GRIN2A: variants seen among roughly 807,000 people sequenced by gnomAD.
The protein encoded by GRIN2A is glutamate ionotropic receptor NMDA type subunit 2A.
Under a neutral mutation model 113.4 loss-of-function variants are expected in GRIN2A, and 22 were observed. The ratio of observed to expected loss-of-function variants is 0.19; its 90% CI spans 0.14 to 0.28. GRIN2A has a LOEUF of 0.28. GRIN2A is among the 10% of genes least tolerant of loss of function. The probability of loss-of-function intolerance (pLI) is 1.00; values close to 1 mark genes in which losing one functional copy is unlikely to be tolerated. For synonymous variants in GRIN2A, 827 were observed against 738.4 expected, an observed-to-expected ratio of 1.12 and a Z score of -1.94; for missense variants, 1,502 against 1,887.0, an observed-to-expected ratio of 0.80 and a Z score of 3.78.
rs1225488033 is a variant in GRIN2A, at chr16:9,829,542, T to C, written c.1888A>G (p.Met630Val). The C allele has an allele frequency of 6.2e-7, 1 of 1,613,692 alleles. No individual in the cohort carries two copies. Among genetic ancestry groups the C allele is most frequent in the South Asian group, 1.1e-5 (1 of 91,068 alleles). ...QNPKGTTSKI[M>V]VSVWAFFAVI... Reference sequence around the variant, plus strand: ...GCGAAGAAGGCCCATACAGATACCATGATCTTGCTGGTGGTCCCTTTAGGA... The same window carrying C: ...GCGAAGAAGGCCCATACAGATACCACGATCTTGCTGGTGGTCCCTTTAGGA... Residue 630 changes from methionine to valine, a missense_variant, in exon 9 of 13, where the codon ATG becomes GTG. Transcript: ENST00000330684.
intron 2 of GRIN2A, among the ~76,000 whole-genome samples, chr16:10,037,464 G>A (rs1189288469): frequency 6.6e-6 from 1 of 152,042 alleles, no homozygotes; most frequent in African/African-American, 2.4e-5. Context: ...ATTATCCAGA[G>A]TGATCATTCT....
At chr16:9,963,427 C>A (rs1012549894) in intron 2 of GRIN2A, among the ~76,000 whole-genome samples, 3 of 152,000 alleles carry the variant, frequency 2.0e-5, no homozygotes, top group Non-Finnish European at 4.4e-5. Flanking sequence ...TGCTCTCCCT[C>A]CTCTTGCCCC....
At chr16:10,049,893 T>C (rs2047328394) in intron 2 of GRIN2A, among the ~76,000 whole-genome samples, 1 of 152,188 alleles carries the variant, frequency 6.6e-6, no homozygotes, top group Admixed American at 6.5e-5. Flanking sequence ...AAAGGATGAA[T>C]AAATGAATCT....
In GRIN2A at chr16:9,990,312, A is replaced by G. The variant is rs1172073705; in HGVS notation, c.415-51761T>C. On this transcript the variant is annotated intron_variant, in intron 2 of 12. Coordinates refer to ENST00000330684, the MANE Select transcript of GRIN2A (RefSeq NM_001134407.3). ...ATCCAAGTAACACATGTTCTCACTA[A>G]TAAGTAGGAACTAAAATTGGGTGCT... is the stretch of plus-strand genomic sequence containing the variant. 4.6e-5 allele frequency among the ~76,000 whole-genome samples: 7 copies of G among 152,170 alleles called. No individual in the cohort carries two copies. In the East Asian group the frequency reaches 5.8e-4, roughly 13 times the overall value.
intron 5 of GRIN2A, among the ~76,000 whole-genome samples, chr16:9,845,065 A>T (rs947437198): frequency 6.6e-6 from 1 of 152,110 alleles, no homozygotes; most frequent in African/African-American, 2.4e-5. Flanking sequence ...AATCTTCTTT[A>T]ATGTTGGGAT....
At chr16:10,005,951 G>A (rs1050223437) in intron 2 of GRIN2A, among the ~76,000 whole-genome samples, 1 of 152,168 alleles carries the variant, frequency 6.6e-6, no homozygotes, top group Admixed American at 6.5e-5. Flanking sequence ...GAAACCATAA[G>A]TTCTTAAGGG....
intron 8 of GRIN2A, 148 bp downstream of exon 8, chr16:9,833,957 T>C (rs2042542576): frequency 8.9e-6 from 7 of 785,912 alleles, no homozygotes; most frequent in Non-Finnish European, 1.6e-5. Flanking sequence ...GACCTCATGA[T>C]CCACCCACCT....
At chr16:9,915,274 C>A (rs1044589772) in intron 3 of GRIN2A, among the ~76,000 whole-genome samples, 1 of 151,840 alleles carries the variant, frequency 6.6e-6, no homozygotes, top group South Asian at 2.1e-4. Context: ...CTGAAGCTGA[C>A]GGCAATTTAC....
intron 2 of GRIN2A, among the ~76,000 whole-genome samples, chr16:10,169,877 G>GTATGTGGCCTCCACATATATTTCTAGA (rs1567346966): frequency 3.9e-5 from 6 of 152,002 alleles, no homozygotes; most frequent in African/African-American, 1.2e-4. Flanking sequence ...AGGCCACAAC[G>GTATGTGGCCTCCACATATATTTCTAGA]TATGTGGCCT....
At chr16:10,062,986 A>C (rs893697946) in intron 2 of GRIN2A, among the ~76,000 whole-genome samples, 1 of 152,212 alleles carries the variant, frequency 6.6e-6, no homozygotes, top group Non-Finnish European at 1.5e-5. Context: ...GGTGCCCATC[A>C]GTGGTGGATT....
chr16:9,918,540 C>A (rs1282632074), intron 3 of GRIN2A, among the ~76,000 whole-genome samples: 2 of 151,860 alleles, frequency 1.3e-5, no homozygotes. Flanking sequence ...GAAAGAAAAA[C>A]CAAGGATAAG....
At chr16:9,967,533 C>T (rs1035838895) in intron 2 of GRIN2A, among the ~76,000 whole-genome samples, 4 of 152,136 alleles carry the variant, frequency 2.6e-5, no homozygotes, top group South Asian at 2.1e-4. Context: ...TGGCGAAACC[C>T]GTGTCTACTA....
chr16:10,065,586 C>T (rs1418952309), intron 2 of GRIN2A, among the ~76,000 whole-genome samples: 3 of 152,194 alleles, frequency 2.0e-5, no homozygotes. Flanking sequence ...TAAAATAGGG[C>T]TAATCATAGC....
intron 2 of GRIN2A, among the ~76,000 whole-genome samples, chr16:9,954,983 C>T (rs1474249253): frequency 6.6e-6 from 1 of 152,156 alleles, no homozygotes; most frequent in Non-Finnish European, 1.5e-5. Context: ...ATGTGGTTTC[C>T]ATCACCTGGG....
chr16:9,883,265 G>A (rs145798818), intron 4 of GRIN2A, among the ~76,000 whole-genome samples: 1 of 152,166 alleles, frequency 6.6e-6, no homozygotes, highest in Non-Finnish European at 1.5e-5. Flanking sequence ...TGAAGTCGTC[G>A]ATACCAACAG....
At chr16:9,948,799 G>A (rs953745740) in intron 2 of GRIN2A, among the ~76,000 whole-genome samples, 2 of 152,202 alleles carry the variant, frequency 1.3e-5, no homozygotes, top group African/African-American at 2.4e-5. Context: ...AGGAAGCACC[G>A]GTCAGTCCTA....
chr16:10,090,605 A>G (rs117518100), intron 2 of GRIN2A, among the ~76,000 whole-genome samples: 101 of 152,306 alleles, frequency 6.6e-4, no homozygotes, highest in Non-Finnish European at 1.1e-3. Flanking sequence ...AGAGAAAACC[A>G]TCATGTCCTT....
intron 10 of GRIN2A, among the ~76,000 whole-genome samples, chr16:9,811,749 G>C (rs1413138572): frequency 2.0e-5 from 3 of 152,076 alleles, no homozygotes; most frequent in Non-Finnish European, 2.9e-5. Context: ...ACAGAGTGAG[G>C]CTCTGTCTCA....
chr16:9,878,932 T>C (rs774087689), intron 4 of GRIN2A, among the ~76,000 whole-genome samples: 1 of 152,026 alleles, frequency 6.6e-6, no homozygotes, highest in African/African-American at 2.4e-5. Context: ...CTTATTTCAG[T>C]TGAATGTGTT....
Sources: allele counts gnomAD v4.1 joint callset (sites outside exome capture counted in the v4.1 genomes callset), GRCh38; gene constraint gnomAD v4.1.1; transcripts MANE v1.5; gene names NCBI Gene and HGNC (gene_info 2026-07-23, HGNC 2026-07-21).